SINHCAF: variants seen among roughly 807,000 people sequenced by gnomAD.
SINHCAF encodes the protein SIN3-HDAC complex-associated factor.
In SINHCAF, 3 loss-of-function variants were observed where a neutral mutation model predicts 25.8. The ratio of observed to expected loss-of-function variants is 0.12; its 90% CI spans 0.05 to 0.30. The LOEUF (loss-of-function observed/expected upper bound fraction) is 0.30, where lower values mean the gene tolerates loss of function less well. SINHCAF is among the 10% of genes least tolerant of loss of function. The pLI, the probability that SINHCAF is intolerant of heterozygous loss-of-function variation, is 1.00. For synonymous variants in SINHCAF, 70 were observed against 85.5 expected (o/e 0.82, Z 1.00); for missense variants, 121 against 262.3 (o/e 0.46, Z 3.72).
chr12:31,324,063 G>A lies in SINHCAF; in HGVS notation c.-21+1961C>T, dbSNP rs922283857. 1.1e-5 allele frequency: 5 copies of A among 454,110 alleles called. No individual in the cohort carries two copies. Among genetic ancestry groups the A allele is most frequent in the African/African-American group, 8.0e-5 (4 of 50,020 alleles). The allele number at this position is 454,110 out of a possible 1,614,324, so 28.1% of individuals were successfully genotyped here. ...GTAAATAAGACATCTCGCGTCGGGA[G>A]GAAAGTTCCTGCGGGGGCCGCTCGC... On this transcript the variant is annotated intron_variant, in intron 1 of 5. Transcript: ENST00000337682. This position sits in a 1 kb window ranked among gnomAD's most constrained non-coding sequence, Gnocchi z 5.5.
In SINHCAF at chr12:31,289,586, T is replaced by C. The variant is rs554352011; in HGVS notation, c.356-1802A>G. 3.9e-5 allele frequency among the ~76,000 whole-genome samples: 6 copies of C among 152,328 alleles called. No individual in the cohort carries two copies. In the South Asian group the frequency reaches 1.2e-3, roughly 32 times the overall value. ...GTTTCTTAGTTAACAGTCATTGTGCTATAAGGCTGTTGTACTGCCACGTCA... is the reference window on the plus strand; with the variant it reads ...GTTTCTTAGTTAACAGTCATTGTGCCATAAGGCTGTTGTACTGCCACGTCA... On this transcript the variant is annotated intron_variant, in intron 4 of 5. Transcript: ENST00000337682.
intron 4 of SINHCAF, 134 bp downstream of exon 4, chr12:31,293,671 C>G (rs1938428235): frequency 3.0e-6 from 2 of 671,476 alleles, no homozygotes; most frequent in South Asian, 4.7e-5. Context: ...ACATCTCTAC[C>G]AAGTCAACGT....
intron 1 of SINHCAF, among the ~76,000 whole-genome samples, chr12:31,313,644 T>G (rs1409844551): frequency 6.6e-6 from 1 of 152,212 alleles, no homozygotes; most frequent in African/African-American, 2.4e-5. Context: ...AATGTTTTTT[T>G]GTTTGTTTGT....
intron 1 of SINHCAF, among the ~76,000 whole-genome samples, chr12:31,309,127 CAAAAAAAAAAA>C (rs757095598): frequency 1.2e-4 from 9 of 75,428 alleles, no homozygotes; most frequent in South Asian, 5.4e-4. Context: ...GATTCTGTCT[CAAAAAAAAAAA>C]AAAAAAAAAA....
At chr12:31,321,851 A>G (rs755754810) in intron 1 of SINHCAF, among the ~76,000 whole-genome samples, 2 of 152,178 alleles carry the variant, frequency 1.3e-5, no homozygotes, top group Non-Finnish European at 2.9e-5. Flanking sequence ...GTTGGTTTAG[A>G]TTTAAAAGTT....
chr12:31,295,897 A>G lies in SINHCAF; in HGVS notation c.129-564T>C, dbSNP rs186905424. Among the ~76,000 whole-genome samples the G allele has an allele frequency of 5.9e-3, 883 of 149,938 alleles. 10 individuals carry two copies. The highest frequency in any genetic ancestry group is 0.01 in the Non-Finnish European group (679 of 67,534). ...CAAAAAAAAAAAATTAAATAATTAA[A>G]TAGGCTGGTGTGGTGGCTCACACCT... On this transcript the variant is annotated intron_variant, in intron 2 of 5. Transcript: ENST00000337682.
At chr12:31,315,002 G>A (rs1403730261) in intron 1 of SINHCAF, among the ~76,000 whole-genome samples, 1 of 152,220 alleles carries the variant, frequency 6.6e-6, no homozygotes, top group East Asian at 1.9e-4. Flanking sequence ...CTTCTCATTA[G>A]ATTGACTAAG....
chr12:31,297,157 C>T (rs1938583026), intron 2 of SINHCAF: 2 of 331,300 alleles, frequency 6.0e-6, no homozygotes, highest in East Asian at 1.7e-4. Flanking sequence ...GACTTTTTAA[C>T]TATTCTGAAG....
At chr12:31,306,324 A>G (rs1235511337) in intron 1 of SINHCAF, among the ~76,000 whole-genome samples, 1 of 152,176 alleles carries the variant, frequency 6.6e-6, no homozygotes, top group Non-Finnish European at 1.5e-5. Flanking sequence ...TACACTGTAA[A>G]TCAATCTTCT....
intron 4 of SINHCAF, among the ~76,000 whole-genome samples, chr12:31,288,854 A>C (rs1938185144): frequency 6.6e-6 from 1 of 152,212 alleles, no homozygotes; most frequent in Non-Finnish European, 1.5e-5. Context: ...TATCTGACCA[A>C]GATTTTAAAG....
At chr12:31,308,443 C>A (rs1343119881) in intron 1 of SINHCAF, among the ~76,000 whole-genome samples, 1 of 152,150 alleles carries the variant, frequency 6.6e-6, no homozygotes, top group Non-Finnish European at 1.5e-5. Context: ...GCTAAGATTC[C>A]TTTGATTCTA....
intron 1 of SINHCAF, among the ~76,000 whole-genome samples, chr12:31,309,670 T>C (rs938795433): frequency 2.7e-5 from 4 of 150,464 alleles, no homozygotes; most frequent in African/African-American, 9.8e-5. Flanking sequence ...TGTGATTTTT[T>C]TTTTTTTTTT....
At chr12:31,297,136 T>C (rs1047075606) in intron 2 of SINHCAF, 5 of 346,784 alleles carry the variant, frequency 1.4e-5, no homozygotes, top group African/African-American at 1.1e-4. Flanking sequence ...GATCATTTAT[T>C]GTTAATCCTG....
At chr12:31,320,851 T>C (rs1017514273) in intron 1 of SINHCAF, among the ~76,000 whole-genome samples, 4 of 152,016 alleles carry the variant, frequency 2.6e-5, no homozygotes, top group African/African-American at 4.8e-5. Flanking sequence ...ATTAGACTAG[T>C]GTGGGGAGAA....
chr12:31,314,457 C>T (rs577107899), intron 1 of SINHCAF, among the ~76,000 whole-genome samples: 8 of 151,960 alleles, frequency 5.3e-5, no homozygotes, highest in Admixed American at 1.3e-4. Context: ...ACCCGGGAGG[C>T]GGAGTTTGCA....
chr12:31,317,989 G>GA (rs891002039), intron 1 of SINHCAF, among the ~76,000 whole-genome samples: 5 of 152,094 alleles, frequency 3.3e-5, no homozygotes, highest in African/African-American at 1.2e-4. Flanking sequence ...GAAATAACAC[G>GA]AAAAAATACT....
At position 31,295,273 on chromosome 12, in the gene SINHCAF, C is replaced by G. The variant is rs1434083111; in HGVS notation, c.189G>C (p.Trp63Cys). The G allele has an allele frequency of 6.2e-7, 1 of 1,609,584 alleles. No homozygotes were observed. Among genetic ancestry groups the G allele is most frequent in the East Asian group, 2.2e-5 (1 of 44,802 alleles). The change falls in exon 3 of 6, where the codon TGG (tryptophan) becomes TGC (cysteine). Residue 63 changes from tryptophan to cysteine, a missense_variant. Transcript: ENST00000337682. ...CNACVLLVKR[W>C]KKLPAGSKKN... Reference sequence around the variant, plus strand: ...TTTTTGATCCTGCTGGCAACTTCTTCCATCTTTTCACAAGCAGGACACAGG... The same window carrying G: ...TTTTTGATCCTGCTGGCAACTTCTTGCATCTTTTCACAAGCAGGACACAGG...
intron 1 of SINHCAF, chr12:31,305,017 C>CA (rs1938962550): frequency 6.6e-6 from 1 of 152,216 alleles, no homozygotes; most frequent in Non-Finnish European, 1.5e-5. Context: ...ATTAGCTGTC[C>CA]ACTCAGATGT....
chr12:31,302,971 C>G (rs1938869032), intron 1 of SINHCAF: 1 of 985,230 alleles, frequency 1.0e-6, no homozygotes. Flanking sequence ...CATCTTGGCT[C>G]ACTTTTCTCT....
Sources: gnomAD v4.1 joint callset for allele counts (sites outside exome capture counted in the v4.1 genomes callset) on GRCh38, gnomAD v4.1.1 for gene constraint, Gnocchi (gnomAD v3.1) non-coding constraint, MANE v1.5 for transcripts, NCBI Gene and HGNC (gene_info 2026-07-23, HGNC 2026-07-21) for gene names.